PCDH9: variants seen among roughly 807,000 people sequenced by gnomAD.
The protein encoded by PCDH9 is protocadherin-9.
Under a neutral mutation model 70.6 loss-of-function variants are expected in PCDH9, and 24 were observed. The observed-to-expected ratio is 0.34, with a 90% CI of 0.25 to 0.48. The LOEUF (loss-of-function observed/expected upper bound fraction) is 0.48. Among genes scored for constraint, PCDH9 ranks in the 20% least tolerant of loss-of-function variants. The pLI, the probability that PCDH9 is intolerant of heterozygous loss-of-function variation, is 0.99. For synonymous variants in PCDH9, 562 were observed against 558.5 expected, an observed-to-expected ratio of 1.01 and a Z score of -0.09; for missense variants, 1,281 against 1,503.6, an observed-to-expected ratio of 0.85 and a Z score of 2.45.
intron 4 of PCDH9, among the ~76,000 whole-genome samples, chr13:66,342,476 G>C (rs1160930225): frequency 6.6e-6 from 1 of 152,142 alleles, no homozygotes; most frequent in African/African-American, 2.4e-5. Context: ...CCTTATAACA[G>C]GATAGTTACT....
At chr13:66,776,611 T>G (rs1263704450) in intron 3 of PCDH9, among the ~76,000 whole-genome samples, 1 of 152,158 alleles carries the variant, frequency 6.6e-6, no homozygotes, top group Non-Finnish European at 1.5e-5. Flanking sequence ...TATAAACCAC[T>G]GCTCAATGAT....
At chr13:66,975,741 A>T (rs1265541237) in intron 2 of PCDH9, among the ~76,000 whole-genome samples, 2 of 152,038 alleles carry the variant, frequency 1.3e-5, no homozygotes, top group Non-Finnish European at 2.9e-5. Context: ...TAGGTGCCAG[A>T]AATACAAAAA....
chr13:66,827,448 G>GA (rs201515088), intron 3 of PCDH9, among the ~76,000 whole-genome samples: 2,939 of 151,752 alleles, frequency 0.019, 91 homozygotes, highest in African/African-American at 0.067. Context: ...TAATAGTGAA[G>GA]AAAAAAAATA....
chr13:66,543,401 C>T (rs1233137091), intron 4 of PCDH9, among the ~76,000 whole-genome samples: 1 of 151,812 alleles, frequency 6.6e-6, no homozygotes, highest in Admixed American at 6.6e-5. Flanking sequence ...AAACTCCCTA[C>T]TAAAAAATAC....
At chr13:66,704,163 C>T (rs10492475) in intron 3 of PCDH9, among the ~76,000 whole-genome samples, 46,418 of 152,058 alleles carry the variant, frequency 0.31, 8,254 homozygotes, top group South Asian at 0.42. Flanking sequence ...TAGAAACTAA[C>T]ATTGTGAATA....
intron 3 of PCDH9, among the ~76,000 whole-genome samples, chr13:66,855,602 A>T (rs1405576399): frequency 6.6e-6 from 1 of 152,030 alleles, no homozygotes; most frequent in Non-Finnish European, 1.5e-5. Flanking sequence ...TCCAGACACT[A>T]TGTTAAAGAA....
intron 3 of PCDH9, among the ~76,000 whole-genome samples, chr13:66,752,012 A>G (rs2079467370): frequency 6.6e-6 from 1 of 152,202 alleles, no homozygotes; most frequent in Non-Finnish European, 1.5e-5. Flanking sequence ...ACTATGATTA[A>G]GGAGACAGGG....
chr13:66,983,293 A>G (rs1349735015), intron 2 of PCDH9, among the ~76,000 whole-genome samples: 2 of 152,152 alleles, frequency 1.3e-5, no homozygotes, highest in Non-Finnish European at 2.9e-5. Context: ...GCACATAAAA[A>G]AATTTAAAAA....
intron 4 of PCDH9, among the ~76,000 whole-genome samples, chr13:66,523,194 G>A (rs1039783514): frequency 2.6e-5 from 4 of 151,898 alleles, no homozygotes; most frequent in Admixed American, 6.6e-5. Context: ...GAAATGCTGC[G>A]TACTCCTCCT....
At chr13:66,963,259 A>G (rs1341616182) in intron 2 of PCDH9, among the ~76,000 whole-genome samples, 1 of 152,182 alleles carries the variant, frequency 6.6e-6, no homozygotes, top group Admixed American at 6.5e-5. Context: ...GTACCGGTTC[A>G]TAGCCTTGGG....
chr13:67,226,593 A>C lies in PCDH9; in HGVS notation c.1848T>G (p.Asp616Glu), dbSNP rs146006048. 252 of 1,614,032 alleles carry C rather than the reference A, an allele frequency of 1.6e-4. 1 individual carries two copies. The African/African-American group carries it at 3.1e-3, about 20-fold the overall frequency. Residue 616 changes from aspartate (D) to glutamate (E), a missense_variant, in exon 2 of 5, where the codon GAT (aspartate) becomes GAG (glutamate). Asp to Glu is a conservative substitution (Grantham distance 45). Coordinates refer to ENST00000377865, the MANE Select transcript of PCDH9 (RefSeq NM_203487.3). The surrounding 1 kb of genome is among the most constrained non-coding windows in gnomAD (Gnocchi z 5.0). ...AVTLSILNDN[D>E]NFVLDPYSGV... is the part of the protein sequence containing the mutation. ...CAGAATAGGGATCCAACACAAAATT[A>C]TCATTGTCATTTAGAATGGAAAGAG...
At chr13:66,955,489 A>G (rs1191188894) in intron 2 of PCDH9, among the ~76,000 whole-genome samples, 1 of 152,172 alleles carries the variant, frequency 6.6e-6, no homozygotes, top group Non-Finnish European at 1.5e-5. Flanking sequence ...TCTGAAAACT[A>G]TGCCTCAGAA....
At chr13:66,579,659 T>A (rs1433912778) in intron 4 of PCDH9, among the ~76,000 whole-genome samples, 1 of 152,100 alleles carries the variant, frequency 6.6e-6, no homozygotes, top group African/African-American at 2.4e-5. Context: ...ATTAGACATA[T>A]GTATGTATAC....
At chr13:66,711,605 T>C (rs1341721441) in intron 3 of PCDH9, among the ~76,000 whole-genome samples, 2 of 152,146 alleles carry the variant, frequency 1.3e-5, no homozygotes, top group Non-Finnish European at 2.9e-5. Context: ...ACATAAAAGA[T>C]CGTAAGACCC....
At chr13:66,348,656 T>G (rs2138163682) in intron 4 of PCDH9, among the ~76,000 whole-genome samples, 1 of 144,462 alleles carries the variant, frequency 6.9e-6, no homozygotes, top group East Asian at 2.1e-4. Flanking sequence ...TCTCAAGTGC[T>G]TGTATAGTGC....
At chr13:66,396,726 C>T (rs1209375653) in intron 4 of PCDH9, among the ~76,000 whole-genome samples, 2 of 152,060 alleles carry the variant, frequency 1.3e-5, no homozygotes, top group Non-Finnish European at 2.9e-5. Context: ...ATAGTAACAC[C>T]CTTATTCATA....
At chr13:66,850,380 A>T (rs1388034925) in intron 3 of PCDH9, among the ~76,000 whole-genome samples, 3 of 152,148 alleles carry the variant, frequency 2.0e-5, no homozygotes, top group Admixed American at 1.3e-4. Flanking sequence ...CTAGCTGGGC[A>T]TGGTGGCAGG....
At chr13:66,921,778 A>T (rs1437180025) in intron 2 of PCDH9, among the ~76,000 whole-genome samples, 1 of 151,322 alleles carries the variant, frequency 6.6e-6, no homozygotes, top group African/African-American at 2.4e-5. Context: ...TATTTTGAGT[A>T]CAGCGGGGCT....
At chr13:66,562,109 A>G (rs1228089683) in intron 4 of PCDH9, among the ~76,000 whole-genome samples, 1 of 152,156 alleles carries the variant, frequency 6.6e-6, no homozygotes, top group Non-Finnish European at 1.5e-5. Context: ...ACTCACCGCA[A>G]GGGTCCACGG....
Sources: gnomAD v4.1 joint callset for allele counts (sites outside exome capture counted in the v4.1 genomes callset) on GRCh38, gnomAD v4.1.1 for gene constraint, Gnocchi (gnomAD v3.1) non-coding constraint, MANE v1.5 for transcripts, NCBI Gene and HGNC (gene_info 2026-07-23, HGNC 2026-07-21) for gene names.